Variants in WIZ observed in about 807,000 individuals in gnomAD.
WIZ encodes the protein WIZ zinc finger, also known as protein Wiz.
In WIZ, 25 loss-of-function variants were observed where a neutral mutation model predicts 140.2. The ratio of observed to expected loss-of-function variants is 0.18; its 90% CI spans 0.13 to 0.25. The LOEUF (loss-of-function observed/expected upper bound fraction) is 0.25, where lower values mean the gene tolerates loss of function less well. WIZ is among the 10% of genes least tolerant of loss of function. The pLI is 1.00. For synonymous variants in WIZ, 1,125 were observed against 1,154.3 expected (o/e 0.97, Z 0.51); for missense variants, 2,231 against 2,632.6 (o/e 0.85, Z 3.34).
chr19:15,432,485 G>T, intron 5 of WIZ: 1 of 976,928 alleles, frequency 1.0e-6, no homozygotes, highest in Non-Finnish European at 1.2e-6. Context: ...TCGGCCTTGG[G>T]CCCGTCCCGC....
Position 15,440,784 on chromosome 19 carries a change from G to A in WIZ, c.279-69C>T. 6.4e-6 allele frequency: 9 copies of A among 1,417,246 alleles called. No homozygotes were observed. The highest frequency in any genetic ancestry group is 3.0e-5 in the South Asian group (2 of 67,576). The allele number at this position is 1,417,246 out of a possible 1,614,324, so 87.8% of individuals were successfully genotyped here. On this transcript the variant is annotated intron_variant, in intron 3 of 12. Coordinates refer to ENST00000673675, the MANE Select transcript of WIZ (RefSeq NM_001371589.1). The surrounding 1 kb of genome is among the most constrained non-coding windows in gnomAD (Gnocchi z 6.2). ...GTTTTCCTTCCTAGGGTGGTGATGGGGGTCCTCCCAGGCCGTTTGAAGCAG... is the reference window on the plus strand; with the variant it reads ...GTTTTCCTTCCTAGGGTGGTGATGGAGGTCCTCCCAGGCCGTTTGAAGCAG...
chr19:15,438,443 T>G, intron 4 of WIZ, 135 bp downstream of exon 4: 1 of 1,060,414 alleles, frequency 9.4e-7, no homozygotes, highest in Non-Finnish European at 1.3e-6. Context: ...CAGGTGGCCT[T>G]CACTGTGGCT....
rs935139710 is a variant in WIZ at position 15,429,857 on chromosome 19, G to A, written c.3144C>T (p.Ala1048=). The change falls in exon 7 of 13, where the codon GCC becomes GCT. Residue 1048 remains alanine, a synonymous_variant. Coordinates refer to ENST00000673675, the MANE Select transcript of WIZ (RefSeq NM_001371589.1). ...KKSSSLKEVV[A]GAPRPGLLSL... is the part of the protein sequence containing the mutation. ...TGAGCAAGCCGGGCCGGGGGGCCCC[G>A]GCGACCACCTCCTTCAGTGAGCTGG... is the stretch of plus-strand genomic sequence containing the variant. The A allele has an allele frequency of 2.1e-5, 32 of 1,530,254 alleles. 1 individual carries two copies. The highest frequency in any genetic ancestry group is 3.4e-4 in the Middle Eastern group (2 of 5,902). 94.8% of individuals were successfully genotyped at this position (1,530,254 alleles called of 1,614,324 possible).
intron 5 of WIZ, among the ~76,000 whole-genome samples, chr19:15,434,060 G>C (rs1366728248): frequency 2.0e-5 from 3 of 152,038 alleles, no homozygotes; most frequent in African/African-American, 7.2e-5. Flanking sequence ...TTTGAGACCA[G>C]CCTGGACAAC....
chr19:15,436,701 A>G, intron 5 of WIZ, 105 bp downstream of exon 5: 1 of 1,210,630 alleles, frequency 8.3e-7, no homozygotes, highest in South Asian at 1.8e-5. Context: ...GTGACTCAAA[A>G]TGCTTCCAGG....
intron 5 of WIZ, 31 bp downstream of exon 5, chr19:15,436,775 G>A: frequency 6.6e-7 from 1 of 1,521,742 alleles, no homozygotes; most frequent in Non-Finnish European, 8.8e-7. Context: ...GGAAGGATGG[G>A]GCTCCAGCAC....
chr19:15,423,184 C>A lies in WIZ; in HGVS notation c.5562G>T (p.Val1854=). The A allele has an allele frequency of 6.2e-7, 1 of 1,613,858 alleles. No homozygotes were observed. The highest frequency in any genetic ancestry group is 8.5e-7 in the Non-Finnish European group (1 of 1,179,960). ...CCAGGATGTGCCGCTGTAAGTGCCG[C>A]ACCCACTCTTCCTGGATGGAGAGGG... ...QGPLSIQEEW[V]RHLQRHILEM... Residue 1854 remains valine (V), a synonymous_variant, in exon 13 of 13, where the codon GTG becomes GTT. Coordinates refer to ENST00000673675, the MANE Select transcript of WIZ (RefSeq NM_001371589.1).
Position 15,428,420 on chromosome 19 carries a change from A to T in WIZ, c.3504T>A (p.Arg1168=). The T allele has an allele frequency of 2.0e-6, 3 of 1,535,604 alleles. No homozygotes were observed. Among genetic ancestry groups the T allele is most frequent in the Non-Finnish European group, 2.6e-6 (3 of 1,146,808 alleles). The change falls in exon 8 of 13, where the codon CGT becomes CGA. Residue 1168 remains arginine, a synonymous_variant. Transcript: ENST00000673675. This position sits in a 1 kb window ranked among gnomAD's most constrained non-coding sequence, Gnocchi z 6.4. ...TGACGCCCAGGTGGCGCAGGTGGGC[A>T]CGGGCGTGGCTAGACAGGCCCTTGC... ...ETRKGLSSHA[R]AHLRHLGVSD... is the part of the protein sequence containing the mutation.
chr19:15,429,508 C>T, intron 7 of WIZ, 78 bp downstream of exon 7: 3 of 399,296 alleles, frequency 7.5e-6, no homozygotes, highest in Non-Finnish European at 1.2e-5. Context: ...TGGGCCCTGT[C>T]CCTGGGCTAC....
At position 15,421,687 on chromosome 19, in the gene WIZ, G is replaced by A. The variant is rs909821478; in HGVS notation, c.*1389C>T. The A allele has an allele frequency of 6.6e-6, 1 of 152,174 alleles. No homozygotes were observed. Among genetic ancestry groups the A allele is most frequent in the African/African-American group, 2.4e-5 (1 of 41,430 alleles). 9.4% of individuals were successfully genotyped at this position (152,174 alleles called of 1,614,324 possible). A position where few individuals can be genotyped will look rare whatever the true frequency, so the allele number is the denominator to read the frequency against. On this transcript the variant is annotated 3_prime_UTR_variant, in exon 13 of 13. Transcript: ENST00000673675. ...CTAGAAGTCACATGTATTAAAAGCA[G>A]GTGAGTTCCAGCTCTCTACAACCCC...
In WIZ at chr19:15,421,739, C is replaced by G. The variant is rs1037739495; in HGVS notation, c.*1337G>C. 6.6e-6 allele frequency: 1 copy of G among 152,244 alleles called. No homozygotes were observed. The allele number at this position is 152,244 out of a possible 1,614,324, so 9.4% of individuals were successfully genotyped here. ...CTGGCCCCCACCCAAATGCTCCCAA[C>G]GGGTCCCTGACACCCTCGCTGGTAG... On this transcript the variant is annotated 3_prime_UTR_variant, in exon 13 of 13. Transcript: ENST00000673675.
chr19:15,440,747 C>T lies in WIZ; in HGVS notation c.279-32G>A, dbSNP rs1246294201. 9 of 1,450,358 alleles carry T rather than the reference C, an allele frequency of 6.2e-6. No individual in the cohort carries two copies. Among genetic ancestry groups the T allele is most frequent in the Non-Finnish European group, 7.2e-6 (8 of 1,104,676 alleles). The allele number at this position is 1,450,358 out of a possible 1,614,324, so 89.8% of individuals were successfully genotyped here. ...GGAAGTGCCAATGGGGACAGGTTAG[C>T]CATGGGCTGCAGTTTTCCTTCCTAG... On this transcript the variant is annotated intron_variant, in intron 3 of 12. Transcript: ENST00000673675. This position sits in a 1 kb window ranked among gnomAD's most constrained non-coding sequence, Gnocchi z 6.2.
rs545993575 is a variant in WIZ, at chr19:15,428,547, C to T, written c.3416-39G>A. 34 of 1,534,480 alleles carry T rather than the reference C, an allele frequency of 2.2e-5. No homozygotes were observed. The South Asian group carries it at 3.6e-4, about 16-fold the overall frequency. On this transcript the variant is annotated intron_variant, in intron 7 of 12. Transcript: ENST00000673675. This position sits in a 1 kb window ranked among gnomAD's most constrained non-coding sequence, Gnocchi z 6.4. ...ACACAGGGGGGGTTCACGGCCGCCA[C>T]CTTGGCCGGCCTTGGGGGCCTGAGG...
In WIZ at chr19:15,420,517, A is replaced by G. The variant is rs1968328908; in HGVS notation, c.*2559T>C. 6.6e-6 allele frequency: 1 copy of G among 152,248 alleles called. No individual in the cohort carries two copies. Among genetic ancestry groups the G allele is most frequent in the Non-Finnish European group, 1.5e-5 (1 of 68,056 alleles). 9.4% of individuals were successfully genotyped at this position (152,248 alleles called of 1,614,324 possible). On this transcript the variant is annotated 3_prime_UTR_variant, in exon 13 of 13. Coordinates refer to ENST00000673675, the MANE Select transcript of WIZ (RefSeq NM_001371589.1). ...CTGCGCCCTGCAGGTTCGTTCCTTC[A>G]TCGCACTTGCCACAGTCATCATTGT... is the stretch of plus-strand genomic sequence containing the variant.
At position 15,424,716 on chromosome 19, in the gene WIZ, T is replaced by C. The variant is rs1431814589; in HGVS notation, c.5211A>G (p.Pro1737=). The C allele has an allele frequency of 1.9e-6, 3 of 1,579,468 alleles. No homozygotes were observed. In the African/African-American group the frequency reaches 4.0e-5, roughly 21 times the overall value. The change falls in exon 11 of 13, where the codon CCA becomes CCG. Residue 1737 remains proline, a synonymous_variant. Coordinates refer to ENST00000673675, the MANE Select transcript of WIZ (RefSeq NM_001371589.1). This position sits in a 1 kb window ranked among gnomAD's most constrained non-coding sequence, Gnocchi z 9.7. ...AVVGRSAGGE[P]GPEAGRAADG... ...CGGCTGCCCGGCCAGCCTCGGGCCCTGGCTCCCCTCCGGCACTGCGGCCGA... is the reference window on the plus strand; with the variant it reads ...CGGCTGCCCGGCCAGCCTCGGGCCCCGGCTCCCCTCCGGCACTGCGGCCGA...
In WIZ at chr19:15,442,088, G is replaced by C. The variant is rs1440022997; in HGVS notation, c.278+588C>G. Among the ~76,000 whole-genome samples the C allele has an allele frequency of 6.6e-6, 1 of 151,976 alleles. No individual in the cohort carries two copies. Among genetic ancestry groups the C allele is most frequent in the Non-Finnish European group, 1.5e-5 (1 of 68,010 alleles). On this transcript the variant is annotated intron_variant, in intron 3 of 12. Transcript: ENST00000673675. The surrounding 1 kb of genome is among the most constrained non-coding windows in gnomAD (Gnocchi z 5.5). ...TATAATCCCAGCTACTGGGGAAGCT[G>C]AGGCAGGAGAATCGCTTGAACCCAG...
In WIZ at chr19:15,429,734, T is replaced by C; in HGVS notation, c.3267A>G (p.Pro1089=). ...AKGLGHPPSS[P]LLKKTPLALA... ...GGGCCAGTGGTGTCTTTTTGAGGAG[T>C]GGAGAGCTGGGCGGGTGGCCCAGGC... Residue 1089 remains proline, a synonymous_variant, in exon 7 of 13, where the codon CCA becomes CCG. Transcript: ENST00000673675. 6.8e-7 allele frequency: 1 copy of C among 1,468,876 alleles called. No homozygotes were observed. Among genetic ancestry groups the C allele is most frequent in the East Asian group, 2.5e-5 (1 of 39,900 alleles). The allele number at this position is 1,468,876 out of a possible 1,614,324, so 91.0% of individuals were successfully genotyped here.
intron 1 of WIZ, among the ~76,000 whole-genome samples, 170 bp from the exon 2 acceptor site, chr19:15,448,537 A>G (rs1330963144): frequency 2.0e-5 from 3 of 151,788 alleles, no homozygotes; most frequent in Admixed American, 1.3e-4. Flanking sequence ...TTCTATCCCA[A>G]TGGCCCCTAC....
rs1173745148 is a variant in WIZ at position 15,423,033 on chromosome 19, G to A, written c.*43C>T. The A allele has an allele frequency of 6.3e-7, 1 of 1,596,192 alleles. No homozygotes were observed. Among genetic ancestry groups the A allele is most frequent in the Admixed American group, 1.7e-5 (1 of 58,938 alleles). ...ACAAGGACACAGAGGAGGAAGAAGA[G>A]GAGACAGAGGTGGCACGAGAGGGGA... On this transcript the variant is annotated 3_prime_UTR_variant, in exon 13 of 13. Transcript: ENST00000673675.
Sources: gnomAD v4.1 joint callset for allele counts (sites outside exome capture counted in the v4.1 genomes callset) on GRCh38, gnomAD v4.1.1 for gene constraint, Gnocchi (gnomAD v3.1) non-coding constraint, MANE v1.5 for transcripts, NCBI Gene and HGNC (gene_info 2026-07-23, HGNC 2026-07-21) for gene names.